The following SCARB1 variants were observed in gnomAD, a reference collection of about 807,000 sequenced individuals.
The protein encoded by SCARB1 is CD36 and LIMPII analogous 1.
A neutral mutation model predicts 57.2 loss-of-function variants in SCARB1; 30 were observed. That is an observed-to-expected ratio of 0.52 (90% CI 0.39 to 0.71). The LOEUF is 0.71. Ranked by LOEUF, SCARB1 falls within the 30% of genes least tolerant of loss-of-function variation. The pLI, the probability that SCARB1 is intolerant of heterozygous loss-of-function variation, is 0.00. For missense variants in SCARB1, 543 were observed against 671.2 expected (o/e 0.81, Z 2.11); for synonymous variants, 249 against 268.3 (o/e 0.93, Z 0.70).
intron 9 of SCARB1, 87 bp from the exon 10 acceptor site, chr12:124,787,544 G>A: frequency 8.2e-7 from 1 of 1,221,594 alleles, no homozygotes; most frequent in East Asian, 2.4e-5. Context: ...ATCTAAACAG[G>A]TTTAGTATAA....
In SCARB1 at chr12:124,807,543, A is replaced by G. The variant is rs1316602110; in HGVS notation, c.1009+218T>C. ...CAAGATAACCAGTGTGTGTTGTTCT[A>G]AGCCCTGAAGTTCATGGCAATATAT... On this transcript the variant is annotated intron_variant, in intron 7 of 12. Coordinates refer to ENST00000261693, the MANE Select transcript of SCARB1 (RefSeq NM_005505.5). The surrounding 1 kb of genome is among the most constrained non-coding windows in gnomAD (Gnocchi z 5.3). 6.6e-6 allele frequency among the ~76,000 whole-genome samples: 1 copy of G among 152,236 alleles called. No individual in the cohort carries two copies. Among genetic ancestry groups the G allele is most frequent in the African/African-American group, 2.4e-5 (1 of 41,470 alleles).
chr12:124,826,867 T>C (rs1411001634), intron 1 of SCARB1, among the ~76,000 whole-genome samples: 1 of 152,126 alleles, frequency 6.6e-6, no homozygotes, highest in Non-Finnish European at 1.5e-5. Flanking sequence ...CATGAAATAA[T>C]ACTCTATATT....
At position 124,795,234 on chromosome 12, in the gene SCARB1, A is replaced by C; in HGVS notation, c.1163T>G (p.Leu388Arg). 2 of 1,614,038 alleles carry C rather than the reference A, an allele frequency of 1.2e-6. No homozygotes were observed. The highest frequency in any genetic ancestry group is 1.7e-6 in the Non-Finnish European group (2 of 1,179,902). The change falls in exon 9 of 13, where the codon CTG becomes CGG. Residue 388 changes from leucine to arginine, a missense_variant. By Grantham distance (102) the Leu-to-Arg change is moderately radical. Transcript: ENST00000261693. ...TGIPMNCSVK[L>R]QLSLYMKSVA... The stretch of plus-strand genomic sequence containing the variant: ...AGATTTCATGTAGAGGCTCAGCTGC[A>C]GTTTCACAGAGCAGTTCATGGGGAT...
At chr12:124,811,791 C>T in intron 5 of SCARB1, 79 bp downstream of exon 5, 2 of 936,610 alleles carry the variant, frequency 2.1e-6, no homozygotes, top group Non-Finnish European at 3.4e-6. Context: ...TCTCTGGTCC[C>T]TGCCACTCCC....
chr12:124,793,133 A>G (rs925033862), intron 9 of SCARB1, among the ~76,000 whole-genome samples: 5 of 152,168 alleles, frequency 3.3e-5, no homozygotes, highest in Admixed American at 3.3e-4. Flanking sequence ...GCTCACAGTT[A>G]TTACTCGCTG....
intron 1 of SCARB1, among the ~76,000 whole-genome samples, chr12:124,819,465 G>T (rs1020006984): frequency 6.6e-5 from 10 of 152,338 alleles, no homozygotes; most frequent in African/African-American, 2.4e-4. Flanking sequence ...ACACGCCTGG[G>T]GTCCACTTGG....
chr12:124,781,717 T>G (rs1468122420), intron 12 of SCARB1, among the ~76,000 whole-genome samples: 1 of 152,170 alleles, frequency 6.6e-6, no homozygotes, highest in Non-Finnish European at 1.5e-5. Flanking sequence ...TAAAAATTAC[T>G]TATTGCTTAC....
At chr12:124,826,201 C>T (rs1003729493) in intron 1 of SCARB1, among the ~76,000 whole-genome samples, 13 of 151,702 alleles carry the variant, frequency 8.6e-5, no homozygotes, top group South Asian at 2.1e-4. Flanking sequence ...CACAGTGGCG[C>T]GCACCTATGG....
rs780538718 is a variant in SCARB1 at position 124,810,688 on chromosome 12, T to A, written c.727-399A>T. On this transcript the variant is annotated intron_variant, in intron 5 of 12. Transcript: ENST00000261693. The surrounding 1 kb of genome is among the most constrained non-coding windows in gnomAD (Gnocchi z 4.0). ...ACAGGCAAACTACTTAAAATCATAA[T>A]GGTGGCCACCACCGGGCAACCCCAA... Among the ~76,000 whole-genome samples the A allele has an allele frequency of 3.3e-4, 50 of 152,038 alleles. No individual in the cohort carries two copies. The highest frequency in any genetic ancestry group is 1.4e-3 in the Admixed American group (21 of 15,264).
rs1228271331 is a variant in SCARB1, at chr12:124,810,402, C to A, written c.727-113G>T. The A allele has an allele frequency of 4.0e-6, 3 of 744,250 alleles. No homozygotes were observed. The highest frequency in any genetic ancestry group is 7.3e-6 in the Non-Finnish European group (3 of 412,914). The allele number at this position is 744,250 out of a possible 1,614,324, so 46.1% of individuals were successfully genotyped here. ...GGTGCACGCACGGCCACTCAATTCC[C>A]AATACTGGCACGGTGGGAAGAGGGC... On this transcript the variant is annotated intron_variant, in intron 5 of 12. Transcript: ENST00000261693. The surrounding 1 kb of genome is among the most constrained non-coding windows in gnomAD (Gnocchi z 4.0).
intron 11 of SCARB1, chr12:124,783,945 G>T (rs947056584): frequency 6.6e-6 from 1 of 152,244 alleles, no homozygotes; most frequent in East Asian, 1.9e-4. Context: ...GGATTTGAGG[G>T]TGGGATGCTG....
At chr12:124,780,867 C>A (rs1423474556) in intron 12 of SCARB1, among the ~76,000 whole-genome samples, 6 of 152,182 alleles carry the variant, frequency 3.9e-5, no homozygotes, top group African/African-American at 1.2e-4. Flanking sequence ...CAGCCCCTGA[C>A]CAGCCCCCAC....
At chr12:124,815,213 AC>A in intron 2 of SCARB1, 99 bp from the exon 3 acceptor site, 1 of 1,345,454 alleles carries the variant, frequency 7.4e-7, no homozygotes, top group Non-Finnish European at 1.0e-6. Flanking sequence ...GGGGCCCTGG[AC>A]GTCTGTGCAC....
chr12:124,842,810 C>A (rs529993363), intron 1 of SCARB1, among the ~76,000 whole-genome samples: 8 of 152,316 alleles, frequency 5.3e-5, no homozygotes, highest in African/African-American at 1.9e-4. Context: ...ATTTGCAAAG[C>A]CTGCTGGGAG....
chr12:124,782,129 G>C (rs1054380233), intron 12 of SCARB1, among the ~76,000 whole-genome samples: 5 of 152,088 alleles, frequency 3.3e-5, no homozygotes, highest in Admixed American at 1.3e-4. Context: ...GGCTGGTCTT[G>C]AACTCCTGAC....
At chr12:124,845,850 C>CA (rs200734520) in intron 1 of SCARB1, among the ~76,000 whole-genome samples, 20,649 of 108,930 alleles carry the variant, frequency 0.19, 1,530 homozygotes, top group South Asian at 0.25. Context: ...ACTAAAAATA[C>CA]AAAAAAAAAA....
chr12:124,783,668 GAGGCT>G (rs1949401487), intron 11 of SCARB1: 1 of 142,372 alleles, frequency 7.0e-6, no homozygotes, highest in African/African-American at 3.0e-5. Context: ...TCGGGAGGCT[GAGGCT>G]GAGGCTGAGG....
Position 124,814,217 on chromosome 12 carries a change from G to T in SCARB1, c.615C>A (p.Phe205Leu). The change falls in exon 4 of 13, where the codon TTC becomes TTA. Residue 205 changes from phenylalanine (F) to leucine (L), a missense_variant. Phe to Leu is a conservative substitution (Grantham distance 22). Transcript: ENST00000261693. The surrounding 1 kb of genome is among the most constrained non-coding windows in gnomAD (Gnocchi z 4.7). ...FPGMFPFKDK[F>L]GLFAELNNSD... ...CCACACGTACCTCAGCAAATAATCC[G>T]AACTTGTCCTTGAAGGGGAACATGC... 6.2e-7 allele frequency: 1 copy of T among 1,614,136 alleles called. No homozygotes were observed.
chr12:124,809,504 C>T lies in SCARB1; in HGVS notation c.842+670G>A, dbSNP rs540143828. Reference sequence around the variant, plus strand: ...GCAAAAGCACTGTCACTCTCTGACACTCTAGTGTTTGTGCATTTGCCTGAG... The same window carrying T: ...GCAAAAGCACTGTCACTCTCTGACATTCTAGTGTTTGTGCATTTGCCTGAG... On this transcript the variant is annotated intron_variant, in intron 6 of 12. Transcript: ENST00000261693. Among the ~76,000 whole-genome samples, 3 of 152,312 alleles carry T rather than the reference C, an allele frequency of 2.0e-5. 1 individual carries two copies. Among genetic ancestry groups the T allele is most frequent in the African/African-American group, 7.2e-5 (3 of 41,576 alleles).
Sources: allele counts gnomAD v4.1 joint callset (sites outside exome capture counted in the v4.1 genomes callset), GRCh38; gene constraint gnomAD v4.1.1; non-coding constraint Gnocchi (gnomAD v3.1); transcripts MANE v1.5; gene names NCBI Gene and HGNC (gene_info 2026-07-23, HGNC 2026-07-21).